DLG2: variants seen among roughly 807,000 people sequenced by gnomAD.
DLG2 encodes the protein discs large MAGUK scaffold protein 2, also known as disks large homolog 2.
Under a neutral mutation model 132.5 loss-of-function variants are expected in DLG2, and 45 were observed. The ratio of observed to expected loss-of-function variants is 0.34; its 90% CI spans 0.27 to 0.44. The LOEUF (loss-of-function observed/expected upper bound fraction) is 0.44. Among genes scored for constraint, DLG2 ranks in the 20% least tolerant of loss-of-function variants. The probability of loss-of-function intolerance (pLI) is 1.00; values close to 1 mark genes in which losing one functional copy is unlikely to be tolerated. For missense variants in DLG2, 1,045 were observed against 1,196.9 expected (o/e 0.87, Z 1.87); for synonymous variants, 424 against 419.6 (o/e 1.01, Z -0.13).
At chr11:83,814,059 G>A (rs1421000160) in intron 17 of DLG2, among the ~76,000 whole-genome samples, 1 of 151,962 alleles carries the variant, frequency 6.6e-6, no homozygotes, top group Admixed American at 6.6e-5. Context: ...TCTAAAAAGA[G>A]TATGTAAATG....
intron 17 of DLG2, among the ~76,000 whole-genome samples, chr11:83,822,817 G>C (rs1212720536): frequency 2.6e-5 from 4 of 152,170 alleles, no homozygotes; most frequent in African/African-American, 7.2e-5. Flanking sequence ...CTGTTGTCTG[G>C]AGTCAAGAAC....
intron 6 of DLG2, among the ~76,000 whole-genome samples, chr11:84,975,221 T>C (rs1465761025): frequency 6.6e-6 from 1 of 152,174 alleles, no homozygotes; most frequent in Non-Finnish European, 1.5e-5. Context: ...CCCTTCTTCT[T>C]TACTAAGAGA....
rs531075168 is a variant in DLG2, at chr11:85,294,826, G to A, written c.41-9461C>T. On this transcript the variant is annotated intron_variant, in intron 3 of 27. Coordinates refer to ENST00000376104, the MANE Select transcript of DLG2 (RefSeq NM_001142699.3). The stretch of plus-strand genomic sequence containing the variant: ...AATACTTGACAAGGAGGCAGAAATT[G>A]TTATTTACAAGTTTTTAAAAAGCTG... 1.4e-4 allele frequency among the ~76,000 whole-genome samples: 22 copies of A among 152,196 alleles called. No individual in the cohort carries two copies. The South Asian group carries it at 4.6e-3, about 32-fold the overall frequency.
intron 6 of DLG2, among the ~76,000 whole-genome samples, chr11:84,981,198 GA>G (rs1485892691): frequency 6.6e-6 from 1 of 152,006 alleles, no homozygotes; most frequent in Non-Finnish European, 1.5e-5. Context: ...TAAGAACTTT[GA>G]AAAATATAAT....
At chr11:84,256,580 T>C (rs2097475350) in intron 7 of DLG2, among the ~76,000 whole-genome samples, 1 of 152,188 alleles carries the variant, frequency 6.6e-6, no homozygotes, top group Non-Finnish European at 1.5e-5. Flanking sequence ...TGATTGTCAT[T>C]ACGCCAATTT....
At chr11:85,122,541 C>T (rs1024615354) in intron 5 of DLG2, among the ~76,000 whole-genome samples, 1 of 152,110 alleles carries the variant, frequency 6.6e-6, no homozygotes, top group East Asian at 1.9e-4. Flanking sequence ...GGGCCATGTG[C>T]TGCAGGGGAA....
At chr11:84,528,624 G>T (rs1018311202) in intron 7 of DLG2, among the ~76,000 whole-genome samples, 1 of 152,130 alleles carries the variant, frequency 6.6e-6, no homozygotes, top group African/African-American at 2.4e-5. Flanking sequence ...GGATTCTGGG[G>T]GAAGCATCTG....
chr11:84,154,408 A>G (rs1327868422), intron 9 of DLG2, among the ~76,000 whole-genome samples: 1 of 152,136 alleles, frequency 6.6e-6, no homozygotes. Flanking sequence ...CTTCAACCCC[A>G]TCCCCTTGAG....
At chr11:85,505,674 A>G (rs2093913928) in intron 3 of DLG2, among the ~76,000 whole-genome samples, 1 of 152,116 alleles carries the variant, frequency 6.6e-6, no homozygotes, top group Non-Finnish European at 1.5e-5. Flanking sequence ...ATTGGTCTAA[A>G]ATTATCTTTT....
chr11:84,445,118 A>G (rs964460692), intron 7 of DLG2, among the ~76,000 whole-genome samples: 1 of 152,070 alleles, frequency 6.6e-6, no homozygotes, highest in Non-Finnish European at 1.5e-5. Context: ...AGCCTATTGT[A>G]CGCTATTTTA....
chr11:83,666,579 C>T (rs1444096491), intron 18 of DLG2, among the ~76,000 whole-genome samples: 1 of 152,180 alleles, frequency 6.6e-6, no homozygotes, highest in Non-Finnish European at 1.5e-5. Flanking sequence ...ACATTGTCTT[C>T]CACAAAACCA....
intron 9 of DLG2, among the ~76,000 whole-genome samples, chr11:84,157,998 T>A (rs537395564): frequency 6.6e-6 from 1 of 152,078 alleles, no homozygotes; most frequent in East Asian, 1.9e-4. Context: ...ATAGAATTCA[T>A]AGGCCAGTGG....
intron 7 of DLG2, among the ~76,000 whole-genome samples, chr11:84,446,940 C>T (rs1222399731): frequency 3.3e-5 from 5 of 152,126 alleles, no homozygotes; most frequent in Non-Finnish European, 7.4e-5. Context: ...AACAAGTCCA[C>T]GTGGCATCCC....
intron 6 of DLG2, among the ~76,000 whole-genome samples, chr11:84,983,923 G>A (rs1313174644): frequency 6.6e-6 from 1 of 152,052 alleles, no homozygotes; most frequent in Non-Finnish European, 1.5e-5. Context: ...CAAGGTTTTT[G>A]AATTAACCCA....
intron 6 of DLG2, among the ~76,000 whole-genome samples, chr11:84,961,098 C>A (rs1031183308): frequency 6.6e-6 from 1 of 151,696 alleles, no homozygotes; most frequent in Non-Finnish European, 1.5e-5. Context: ...AGTAGGCTCA[C>A]GCTCCATGCT....
At chr11:85,485,272 C>A (rs1275044219) in intron 3 of DLG2, among the ~76,000 whole-genome samples, 1 of 152,052 alleles carries the variant, frequency 6.6e-6, no homozygotes. Flanking sequence ...TTAGTGGGTG[C>A]AGCGCACCAG....
chr11:84,432,218 T>A lies in DLG2; in HGVS notation c.519+102352A>T, dbSNP rs187591334. 8.5e-5 allele frequency among the ~76,000 whole-genome samples: 13 copies of A among 152,344 alleles called. 1 individual carries two copies. Among genetic ancestry groups the A allele is most frequent in the African/African-American group, 3.1e-4 (13 of 41,584 alleles). On this transcript the variant is annotated intron_variant, in intron 7 of 27. Coordinates refer to ENST00000376104, the MANE Select transcript of DLG2 (RefSeq NM_001142699.3). ...GTGATGGATACAGCCAGGCTGTGAT[T>A]AGCTGGTTAGCCAAACAGATTAAGC...
intron 7 of DLG2, among the ~76,000 whole-genome samples, chr11:84,289,885 G>C (rs1275114784): frequency 1.3e-5 from 2 of 152,112 alleles, no homozygotes; most frequent in African/African-American, 4.8e-5. Context: ...TTGTTTGAAA[G>C]TACCGTTTTC....
chr11:84,280,306 AT>A lies in DLG2; in HGVS notation c.520-29016del, dbSNP rs35811787. ...TATTAACAACTTAGGGATAAACCTG[AT>A]TTTTTTTTTTTGAGACGGAGTCACG... On this transcript the variant is annotated intron_variant, in intron 7 of 27. Transcript: ENST00000376104. Among the ~76,000 whole-genome samples the A allele has an allele frequency of 3.0e-3, 454 of 149,550 alleles. 1 individual carries two copies. Among genetic ancestry groups the A allele is most frequent in the African/African-American group, 0.01 (423 of 40,852 alleles).
Sources: allele counts gnomAD v4.1 joint callset (sites outside exome capture counted in the v4.1 genomes callset), GRCh38; gene constraint gnomAD v4.1.1; transcripts MANE v1.5; gene names NCBI Gene and HGNC (gene_info 2026-07-23, HGNC 2026-07-21).